PTPRD: variants seen among roughly 807,000 people sequenced by gnomAD.
PTPRD encodes receptor-type tyrosine-protein phosphatase delta.
A neutral mutation model predicts 214.5 loss-of-function variants in PTPRD; 34 were observed. The observed-to-expected ratio is 0.16, with a 90% CI of 0.12 to 0.21. PTPRD has a LOEUF of 0.21. Among genes scored for constraint, PTPRD ranks in the 10% least tolerant of loss-of-function variants. PTPRD has a pLI of 1.00. For missense variants in PTPRD, 2,545 were observed against 2,398.7 expected (o/e 1.06, Z -1.27); for synonymous variants, 1,128 against 845.7 (o/e 1.33, Z -5.79).
intron 39 of PTPRD, among the ~76,000 whole-genome samples, chr9:8,346,924 A>C (rs911842850): frequency 6.6e-6 from 1 of 152,160 alleles, no homozygotes; most frequent in Non-Finnish European, 1.5e-5. Flanking sequence ...AAACTGCAAA[A>C]GCTACGGCCA....
intron 7 of PTPRD, among the ~76,000 whole-genome samples, chr9:9,588,894 T>A (rs1184304063): frequency 6.6e-6 from 1 of 151,990 alleles, no homozygotes; most frequent in East Asian, 1.9e-4. Context: ...GTTCAAACTC[T>A]TTGTATCTCC....
chr9:8,464,112 G>C (rs1170856574), intron 32 of PTPRD, among the ~76,000 whole-genome samples: 2 of 151,802 alleles, frequency 1.3e-5, no homozygotes, highest in Non-Finnish European at 2.9e-5. Context: ...TAAAACACTA[G>C]CGGAAGACAT....
Position 9,838,839 on chromosome 9 carries a change from C to T in PTPRD, c.-367-71988G>A, listed in dbSNP as rs1355616204. Among the ~76,000 whole-genome samples the T allele has an allele frequency of 2.6e-5, 4 of 152,040 alleles. No homozygotes were observed. The East Asian group carries it at 7.7e-4, about 29-fold the overall frequency. ...TGGTGTTTTAGACATGAAGTCCTTG[C>T]CCATGCCTATGTCCTGAATGGTAAT... On this transcript the variant is annotated intron_variant, in intron 5 of 45. Transcript: ENST00000381196.
rs547965042 is a variant in PTPRD, at chr9:10,049,238, T to C, written c.-544-15448A>G. ...ATCCCTGCAATCATCTAGCGCAGCC[T>C]CCTCATTTTTCCAGGACAGACATTT... On this transcript the variant is annotated intron_variant, in intron 3 of 45. Coordinates refer to ENST00000381196, the MANE Select transcript of PTPRD (RefSeq NM_002839.4). Among the ~76,000 whole-genome samples the C allele has an allele frequency of 2.6e-4, 39 of 152,154 alleles. No individual in the cohort carries two copies. The South Asian group carries it at 7.9e-3, about 31-fold the overall frequency.
At chr9:8,432,671 G>C (rs989266601) in intron 35 of PTPRD, among the ~76,000 whole-genome samples, 5 of 152,182 alleles carry the variant, frequency 3.3e-5, no homozygotes, top group African/African-American at 1.2e-4. Flanking sequence ...TTATGTAGAA[G>C]ATAATAAACA....
At chr9:8,550,879 G>A (rs1229765881) in intron 14 of PTPRD, among the ~76,000 whole-genome samples, 1 of 152,182 alleles carries the variant, frequency 6.6e-6, no homozygotes, top group Non-Finnish European at 1.5e-5. Context: ...ACAGCACCAA[G>A]GCTGGGTATG....
At chr9:10,543,475 T>TACACACACACACAC (rs201493444) in intron 2 of PTPRD, among the ~76,000 whole-genome samples, 22 of 104,262 alleles carry the variant, frequency 2.1e-4, no homozygotes, top group African/African-American at 5.7e-4. Flanking sequence ...TTAATATATA[T>TACACACACACACAC]ATATACACAC....
chr9:9,744,897 A>G (rs1479042156), intron 6 of PTPRD, among the ~76,000 whole-genome samples: 1 of 152,076 alleles, frequency 6.6e-6, no homozygotes, highest in East Asian at 1.9e-4. Flanking sequence ...GCTTGAGTAT[A>G]TCATTTGCAT....
chr9:9,378,595 T>G (rs557189054), intron 9 of PTPRD, among the ~76,000 whole-genome samples: 1 of 152,162 alleles, frequency 6.6e-6, no homozygotes, highest in African/African-American at 2.4e-5. Context: ...CTGCAAGCTT[T>G]CTTCCTAAGT....
intron 9 of PTPRD, among the ~76,000 whole-genome samples, chr9:9,241,429 T>C (rs929673343): frequency 2.4e-4 from 37 of 152,120 alleles, no homozygotes; most frequent in Admixed American, 2.0e-4. Context: ...AAACACTTCT[T>C]AACTTACAAA....
chr9:8,812,173 TC>T (rs1019651265), intron 11 of PTPRD, among the ~76,000 whole-genome samples: 2 of 152,150 alleles, frequency 1.3e-5, no homozygotes, highest in African/African-American at 4.8e-5. Context: ...CCAACAGACT[TC>T]CATTCTTTAA....
chr9:8,971,575 A>G (rs1044710840), intron 11 of PTPRD, among the ~76,000 whole-genome samples: 3 of 151,736 alleles, frequency 2.0e-5, no homozygotes, highest in Non-Finnish European at 3.0e-5. Flanking sequence ...TTAAAGTTCA[A>G]TGAACATGAT....
chr9:8,571,537 A>C lies in PTPRD; in HGVS notation c.353-42758T>G, dbSNP rs2091151556. On this transcript the variant is annotated intron_variant, in intron 14 of 45. Transcript: ENST00000381196. Reference sequence around the variant, plus strand: ...AAATAAGCATTTTGCCTAGTTAAGCAGTCCAAAAATCAATGGTTTTCTTCA... The same window carrying C: ...AAATAAGCATTTTGCCTAGTTAAGCCGTCCAAAAATCAATGGTTTTCTTCA... Among the ~76,000 whole-genome samples, 4 of 152,188 alleles carry C rather than the reference A, an allele frequency of 2.6e-5. No individual in the cohort carries two copies. The South Asian group carries it at 8.3e-4, about 31-fold the overall frequency.
Position 9,803,280 on chromosome 9 carries a change from C to A in PTPRD, c.-367-36429G>T, listed in dbSNP as rs557664951. 2.8e-4 allele frequency among the ~76,000 whole-genome samples: 42 copies of A among 150,830 alleles called. 1 individual carries two copies. The highest frequency in any genetic ancestry group is 7.8e-4 in the African/African-American group (32 of 41,272). On this transcript the variant is annotated intron_variant, in intron 5 of 45. Transcript: ENST00000381196. ...AAAAAAAAAAAAGCAAGTCAGTAAA[C>A]CGCTCAGTGATAATCCTCATTGGTA... is the stretch of plus-strand genomic sequence containing the variant.
intron 11 of PTPRD, among the ~76,000 whole-genome samples, chr9:8,759,395 G>A (rs1032938924): frequency 1.3e-4 from 19 of 151,920 alleles, no homozygotes; most frequent in Admixed American, 5.9e-4. Context: ...GTGTCTTGGA[G>A]GAGGCAACTA....
intron 14 of PTPRD, among the ~76,000 whole-genome samples, chr9:8,627,069 A>ATATTC (rs1256503073): frequency 1.3e-5 from 2 of 151,698 alleles, no homozygotes; most frequent in Non-Finnish European, 2.9e-5. Flanking sequence ...AGACTCCTAA[A>ATATTC]TATTCTTCAT....
chr9:8,750,705 G>T (rs749165429), intron 11 of PTPRD, among the ~76,000 whole-genome samples: 26 of 152,136 alleles, frequency 1.7e-4, no homozygotes, highest in Non-Finnish European at 3.4e-4. Context: ...AATGAGCTTG[G>T]TTGTGGCTGG....
chr9:8,509,821 C>G (rs1222710329), intron 21 of PTPRD, among the ~76,000 whole-genome samples: 1 of 152,088 alleles, frequency 6.6e-6, no homozygotes, highest in Admixed American at 6.6e-5. Context: ...TAGGCACATC[C>G]AAGTCTCAGA....
intron 4 of PTPRD, among the ~76,000 whole-genome samples, chr9:10,001,156 C>A (rs2096301139): frequency 6.6e-6 from 1 of 151,970 alleles, no homozygotes; most frequent in Non-Finnish European, 1.5e-5. Flanking sequence ...TCTAAATTGG[C>A]GTGAGACCAA....
Sources: gnomAD v4.1 joint callset for allele counts (sites outside exome capture counted in the v4.1 genomes callset) on GRCh38, gnomAD v4.1.1 for gene constraint, MANE v1.5 for transcripts, NCBI Gene and HGNC (gene_info 2026-07-23, HGNC 2026-07-21) for gene names.